Variants in CFAP96 observed in about 807,000 individuals in gnomAD.
The protein encoded by CFAP96 is cilia-and flagella-associated protein 96.
At chr4:185,439,933 A>AT in the CFAP96 span, among the ~76,000 whole-genome samples, 2 of 140,294 alleles carry the variant, frequency 1.4e-5, no homozygotes, top group African/African-American at 2.6e-5. Flanking sequence ...TGATATATAT[A>AT]CATATATGTA....
At chr4:185,447,092 C>A in the CFAP96 span, among the ~76,000 whole-genome samples, 1 of 152,138 alleles carries the variant, frequency 6.6e-6, no homozygotes, top group Non-Finnish European at 1.5e-5. Context: ...CTATCTCAAA[C>A]CTGTCTTTTA....
At chr4:185,417,880 C>A in the CFAP96 span, among the ~76,000 whole-genome samples, 1 of 152,056 alleles carries the variant, frequency 6.6e-6, no homozygotes, top group Non-Finnish European at 1.5e-5. Context: ...CCCATCTCTA[C>A]TAAAAATACA....
chr4:185,428,090 A>G, the CFAP96 span, among the ~76,000 whole-genome samples: 1 of 149,538 alleles, frequency 6.7e-6, no homozygotes, highest in African/African-American at 2.4e-5. Context: ...CTGTCTCAAA[A>G]AAAAAAAAAA....
the CFAP96 span, among the ~76,000 whole-genome samples, chr4:185,429,096 A>G: frequency 6.6e-6 from 1 of 152,228 alleles, no homozygotes; most frequent in South Asian, 2.1e-4. Flanking sequence ...GATCTTGTAC[A>G]TTCCTTTGTA....
At chr4:185,434,516 T>C in the CFAP96 span, among the ~76,000 whole-genome samples, 15 of 152,166 alleles carry the variant, frequency 9.9e-5, no homozygotes, top group Admixed American at 6.5e-5. Context: ...CCTTGATACA[T>C]TAGTTTATAA....
the CFAP96 span, among the ~76,000 whole-genome samples, chr4:185,423,639 T>G: frequency 1.3e-5 from 2 of 152,194 alleles, no homozygotes; most frequent in Non-Finnish European, 2.9e-5. Flanking sequence ...GGACAATGCT[T>G]ACAACTTATA....
At chr4:185,426,418 C>G in the CFAP96 span, 1 of 153,274 alleles carries the variant, frequency 6.5e-6, no homozygotes, top group Non-Finnish European at 1.5e-5. Flanking sequence ...CTCGCGGACG[C>G]CAGGTGTTGC....
chr4:185,436,298 C>T, the CFAP96 span: 1 of 1,550,584 alleles, frequency 6.4e-7, no homozygotes, highest in East Asian at 2.4e-5. Flanking sequence ...GCAAATATTA[C>T]CATAGGTAAA....
chr4:185,414,308 T>A, the CFAP96 span, among the ~76,000 whole-genome samples: 1 of 152,194 alleles, frequency 6.6e-6, no homozygotes, highest in African/African-American at 2.4e-5. Context: ...TAAGTGGTAG[T>A]GATTAAACTA....
the CFAP96 span, chr4:185,429,221 T>C: frequency 2.2e-6 from 1 of 451,170 alleles, no homozygotes; most frequent in Non-Finnish European, 3.8e-6. Context: ...AGTATGAGGC[T>C]ATTGTTTTGT....
chr4:185,444,539 CT>C, the CFAP96 span, among the ~76,000 whole-genome samples: 18 of 151,540 alleles, frequency 1.2e-4, no homozygotes, highest in African/African-American at 3.1e-4. Flanking sequence ...TTGCTTATTA[CT>C]TTTTTTTTAA....
chr4:185,435,576 A>AT, the CFAP96 span, among the ~76,000 whole-genome samples: 2 of 152,278 alleles, frequency 1.3e-5, no homozygotes, highest in East Asian at 3.9e-4. Context: ...TATTTGGTTA[A>AT]TTTTTTCTAC....
At chr4:185,437,500 C>A in the CFAP96 span, among the ~76,000 whole-genome samples, 1 of 152,108 alleles carries the variant, frequency 6.6e-6, no homozygotes, top group Non-Finnish European at 1.5e-5. Context: ...CAGGCTTTAG[C>A]AGTTTTGCTA....
chr4:185,413,150 C>T, the CFAP96 span, among the ~76,000 whole-genome samples: 1 of 152,064 alleles, frequency 6.6e-6, no homozygotes, highest in African/African-American at 2.4e-5. Flanking sequence ...ACTAAAAATA[C>T]AAAAACTAGC....
chr4:185,430,628 TGTG>T, the CFAP96 span, among the ~76,000 whole-genome samples: 70 of 152,128 alleles, frequency 4.6e-4, no homozygotes, highest in South Asian at 1.2e-3. Context: ...GTTGGCCAGG[TGTG>T]GTGGCTCACA....
the CFAP96 span, among the ~76,000 whole-genome samples, chr4:185,441,637 T>C: frequency 6.6e-6 from 1 of 151,516 alleles, no homozygotes; most frequent in African/African-American, 2.4e-5. Context: ...AAATTAAAAT[T>C]TCTACTAAAA....
the CFAP96 span, among the ~76,000 whole-genome samples, chr4:185,447,263 G>T: frequency 6.6e-6 from 1 of 151,420 alleles, no homozygotes; most frequent in Non-Finnish European, 1.5e-5. Flanking sequence ...CTCACTGCAA[G>T]CTCCACCTGC....
At chr4:185,408,536 G>C in the CFAP96 span, 1 of 1,191,646 alleles carries the variant, frequency 8.4e-7, no homozygotes, top group Non-Finnish European at 1.2e-6. Flanking sequence ...GAGTTAGACT[G>C]TTACTTTAGT....
At chr4:185,422,529 A>T in the CFAP96 span, 1 of 1,611,896 alleles carries the variant, frequency 6.2e-7, no homozygotes, top group Non-Finnish European at 8.5e-7. Flanking sequence ...GCCTCCTCTT[A>T]TTCTGAAGAG....
Sources: allele counts gnomAD v4.1 joint callset (sites outside exome capture counted in the v4.1 genomes callset), GRCh38; gene constraint gnomAD v4.1.1; transcripts MANE v1.5; gene names NCBI Gene and HGNC (gene_info 2026-07-23, HGNC 2026-07-21).